Variants in DUSP16 observed in about 807,000 individuals in gnomAD.
The protein encoded by DUSP16 is dual specificity protein phosphatase 16.
DUSP16 carries 21 observed loss-of-function variants against 58.3 expected under a neutral mutation model. That is an observed-to-expected ratio of 0.36 (90% CI 0.26 to 0.52). DUSP16 has a LOEUF of 0.52. DUSP16 is among the 20% of genes least tolerant of loss of function. The pLI, the probability that DUSP16 is intolerant of heterozygous loss-of-function variation, is 0.94. For missense variants in DUSP16, 726 were observed against 819.0 expected, an observed-to-expected ratio of 0.89 and a Z score of 1.39; for synonymous variants, 320 against 323.8, an observed-to-expected ratio of 0.99 and a Z score of 0.12.
At chr12:12,511,296 C>G (rs776779821) in intron 3 of DUSP16, among the ~76,000 whole-genome samples, 2 of 152,110 alleles carry the variant, frequency 1.3e-5, no homozygotes, top group Non-Finnish European at 2.9e-5. Flanking sequence ...GATCTGGTGA[C>G]TAAGAGATGA....
intron 1 of DUSP16, among the ~76,000 whole-genome samples, chr12:12,547,524 G>A (rs1944662142): frequency 8.4e-6 from 1 of 119,312 alleles, no homozygotes; most frequent in South Asian, 3.0e-4. Context: ...ATGACTGTGA[G>A]TAGGCTTAAA....
rs1330870307 is a variant in DUSP16, at chr12:12,540,946, TTTC to T, written c.-365-19486_-365-19484del. On this transcript the variant is annotated intron_variant, in intron 1 of 6. Coordinates refer to ENST00000298573, the MANE Select transcript of DUSP16 (RefSeq NM_030640.3). ...GTTGCTTTTTTTTCTTTTCTTTTCT[TTTC>T]TTTTTTTTTTTTTTTTTTTTTTTTG... Among the ~76,000 whole-genome samples the T allele has an allele frequency of 9.3e-3, 456 of 48,924 alleles. 7 individuals carry two copies. The highest frequency in any genetic ancestry group is 0.029 in the African/African-American group (380 of 12,952). The allele number at this position is 48,924 out of a possible 152,430, so 32.1% of individuals were successfully genotyped here.
At chr12:12,498,383 CTTTAT>C (rs1353773863) in intron 4 of DUSP16, among the ~76,000 whole-genome samples, 8 of 149,488 alleles carry the variant, frequency 5.4e-5, no homozygotes, top group African/African-American at 7.3e-5. Flanking sequence ...ACATGCATTT[CTTTAT>C]TTTATTTTTT....
At chr12:12,511,502 T>C (rs1177395826) in intron 3 of DUSP16, among the ~76,000 whole-genome samples, 1 of 152,146 alleles carries the variant, frequency 6.6e-6, no homozygotes, top group Non-Finnish European at 1.5e-5. Context: ...TTTTTAATCA[T>C]GTTCTTTCCC....
At chr12:12,538,408 A>G (rs1422155245) in intron 1 of DUSP16, among the ~76,000 whole-genome samples, 1 of 152,216 alleles carries the variant, frequency 6.6e-6, no homozygotes, top group African/African-American at 2.4e-5. Context: ...AGTCTAGTGC[A>G]TGTCTTCTGG....
chr12:12,484,620 T>C (rs1943643057), intron 5 of DUSP16, among the ~76,000 whole-genome samples: 1 of 152,050 alleles, frequency 6.6e-6, no homozygotes, highest in African/African-American at 2.4e-5. Flanking sequence ...TAATTTATTT[T>C]TTTTATTTTT....
At chr12:12,482,395 A>G (rs1358646318) in intron 5 of DUSP16, among the ~76,000 whole-genome samples, 1 of 152,212 alleles carries the variant, frequency 6.6e-6, no homozygotes, top group Non-Finnish European at 1.5e-5. Context: ...TGTGCTTACA[A>G]CTGTTTTTAT....
At chr12:12,501,995 CAAAAAT>C (rs1303914151) in intron 3 of DUSP16, among the ~76,000 whole-genome samples, 4 of 151,060 alleles carry the variant, frequency 2.6e-5, no homozygotes, top group African/African-American at 9.7e-5. Context: ...GTCTCAAAAA[CAAAAAT>C]AAAAATAAAA....
At chr12:12,483,828 C>T (rs1472407692) in intron 5 of DUSP16, among the ~76,000 whole-genome samples, 1 of 151,930 alleles carries the variant, frequency 6.6e-6, no homozygotes, top group Non-Finnish European at 1.5e-5. Context: ...GAGACTTACC[C>T]AAATCTAATC....
At position 12,476,821 on chromosome 12, in the gene DUSP16, G is replaced by A; in HGVS notation, c.*12C>T. 2 of 1,564,428 alleles carry A rather than the reference G, an allele frequency of 1.3e-6. No homozygotes were observed. Among genetic ancestry groups the A allele is most frequent in the Non-Finnish European group, 1.7e-6 (2 of 1,162,266 alleles). On this transcript the variant is annotated 3_prime_UTR_variant, in exon 7 of 7. Coordinates refer to ENST00000298573, the MANE Select transcript of DUSP16 (RefSeq NM_030640.3). ...AAAAAATTGTCTATAGAAGTCACAA[G>A]TGTCTTTCTTCTCAGGAGACCTCAA...
At chr12:12,548,647 AGAAAAAG>A (rs1944683926) in intron 1 of DUSP16, among the ~76,000 whole-genome samples, 2 of 129,480 alleles carry the variant, frequency 1.5e-5, no homozygotes, top group Non-Finnish European at 3.2e-5. Context: ...AAAAAAAAAA[AGAAAAAG>A]AAAAAGAAAA....
chr12:12,545,999 TATAA>T (rs1489497778), intron 1 of DUSP16, among the ~76,000 whole-genome samples: 1 of 152,216 alleles, frequency 6.6e-6, no homozygotes, highest in Non-Finnish European at 1.5e-5. Flanking sequence ...AAGAACTTGT[TATAA>T]ATGATATTGA....
chr12:12,488,918 A>AAAGT (rs1473344935), intron 4 of DUSP16, among the ~76,000 whole-genome samples: 5 of 152,176 alleles, frequency 3.3e-5, no homozygotes, highest in African/African-American at 1.2e-4. Flanking sequence ...CAACTCTACT[A>AAAGT]AAACTACAAA....
intron 1 of DUSP16, among the ~76,000 whole-genome samples, chr12:12,527,193 C>G (rs1167779187): frequency 6.6e-6 from 1 of 151,958 alleles, no homozygotes; most frequent in African/African-American, 2.4e-5. Flanking sequence ...AAATTTTTTC[C>G]CTCCAACAAA....
chr12:12,477,837 T>TGG lies in DUSP16; in HGVS notation c.993_994insCC (p.Lys332ProfsTer41). On this transcript the variant is annotated frameshift_variant, in exon 7 of 7. Transcript: ENST00000298573. LOFTEE classifies it high-confidence loss of function. This position sits in a 1 kb window ranked among gnomAD's most constrained non-coding sequence, Gnocchi z 4.1. ...GGTGGACTGAGGGGCGTCTCGCTTT[T>TGG]CTGTCCACCCTCTGAGACAGCAGGG... is the stretch of plus-strand genomic sequence containing the variant. 6.2e-7 allele frequency: 1 copy of TGG among 1,614,080 alleles called. No individual in the cohort carries two copies. The highest frequency in any genetic ancestry group is 8.5e-7 in the Non-Finnish European group (1 of 1,180,042).
chr12:12,488,522 G>C (rs1418963557), intron 4 of DUSP16, among the ~76,000 whole-genome samples: 1 of 152,118 alleles, frequency 6.6e-6, no homozygotes, highest in Non-Finnish European at 1.5e-5. Context: ...CATTTAGCAG[G>C]CAAGCCCACA....
rs1943437434 is a variant in DUSP16 at position 12,476,460 on chromosome 12, A to G, written c.*373T>C. ...TAAGGTGTACTATGGAAGGGTCCGG[A>G]CAAAGACTAATATTTGAGATCTCTT... On this transcript the variant is annotated 3_prime_UTR_variant, in exon 7 of 7. Coordinates refer to ENST00000298573, the MANE Select transcript of DUSP16 (RefSeq NM_030640.3). The G allele has an allele frequency of 1.7e-5, 3 of 180,012 alleles. No homozygotes were observed. The South Asian group carries it at 3.9e-4, about 23-fold the overall frequency. The allele number at this position is 180,012 out of a possible 1,614,324, so 11.2% of individuals were successfully genotyped here. A position where few individuals can be genotyped will look rare whatever the true frequency, so the allele number is the denominator to read the frequency against.
At chr12:12,560,284 G>C (rs1486202027) in intron 1 of DUSP16, among the ~76,000 whole-genome samples, 1 of 151,884 alleles carries the variant, frequency 6.6e-6, no homozygotes, top group Admixed American at 6.6e-5. Context: ...TTATCTGAAT[G>C]TACATTTATA....
chr12:12,513,186 T>C (rs904665424), intron 3 of DUSP16, among the ~76,000 whole-genome samples: 6 of 152,242 alleles, frequency 3.9e-5, no homozygotes, highest in African/African-American at 1.4e-4. Context: ...TCGAAGACCT[T>C]TGCTGTGTTC....
Sources: allele counts gnomAD v4.1 joint callset (sites outside exome capture counted in the v4.1 genomes callset), GRCh38; gene constraint gnomAD v4.1.1; non-coding constraint Gnocchi (gnomAD v3.1); transcripts MANE v1.5; gene names NCBI Gene and HGNC (gene_info 2026-07-23, HGNC 2026-07-21).